Variants in MYBL2 observed in about 807,000 individuals in gnomAD.
The protein encoded by MYBL2 is myb-related protein B.
In MYBL2, 28 loss-of-function variants were observed where a neutral mutation model predicts 79.9. The ratio of observed to expected loss-of-function variants is 0.35; its 90% CI spans 0.26 to 0.48. The LOEUF is 0.48. Among genes scored for constraint, MYBL2 ranks in the 20% least tolerant of loss-of-function variants. The pLI is 0.99. For synonymous variants in MYBL2, 378 were observed against 361.2 expected (o/e 1.05, Z -0.53); for missense variants, 735 against 893.9 (o/e 0.82, Z 2.27).
At chr20:43,676,822 T>C (rs970300060) in intron 2 of MYBL2, among the ~76,000 whole-genome samples, 4 of 152,168 alleles carry the variant, frequency 2.6e-5, no homozygotes, top group Non-Finnish European at 5.9e-5. Context: ...GTTTTTTGTT[T>C]TGTTTTGTTT....
intron 12 of MYBL2, among the ~76,000 whole-genome samples, chr20:43,713,679 G>A (rs532291151): frequency 6.6e-6 from 1 of 152,178 alleles, no homozygotes; most frequent in Non-Finnish European, 1.5e-5. Context: ...GAGTCACCGT[G>A]CCCAGCCTAG....
chr20:43,714,652 G>A (rs1987987196), intron 12 of MYBL2, among the ~76,000 whole-genome samples: 1 of 151,824 alleles, frequency 6.6e-6, no homozygotes, highest in African/African-American at 2.4e-5. Context: ...TTTTGAGACG[G>A]AGTCTGGCTC....
intron 10 of MYBL2, 59 bp from the exon 11 acceptor site, chr20:43,711,429 C>T: frequency 7.2e-7 from 1 of 1,386,074 alleles, no homozygotes; most frequent in Non-Finnish European, 1.0e-6. Context: ...TCCCACAGTC[C>T]CACACACACA....
chr20:43,693,513 ATTC>A (rs1346280898), intron 6 of MYBL2, among the ~76,000 whole-genome samples: 1 of 151,800 alleles, frequency 6.6e-6, no homozygotes. Flanking sequence ...TAATTTTTGT[ATTC>A]TTAGAGATGG....
intron 8 of MYBL2, among the ~76,000 whole-genome samples, chr20:43,704,383 G>C (rs1243819458): frequency 6.6e-6 from 1 of 152,172 alleles, no homozygotes; most frequent in Non-Finnish European, 1.5e-5. Flanking sequence ...GCTGAGAGTT[G>C]GGACTTCAGG....
chr20:43,715,679 C>T (rs1261524176), intron 13 of MYBL2, among the ~76,000 whole-genome samples: 1 of 152,184 alleles, frequency 6.6e-6, no homozygotes, highest in Non-Finnish European at 1.5e-5. Flanking sequence ...TGCTCCTTCT[C>T]ACCCGCCTCC....
chr20:43,707,529 A>T (rs1029577837), intron 9 of MYBL2, among the ~76,000 whole-genome samples: 1 of 151,942 alleles, frequency 6.6e-6, no homozygotes, highest in African/African-American at 2.4e-5. Flanking sequence ...CTTGCTGGTG[A>T]TGAGTTCTAA....
intron 4 of MYBL2, among the ~76,000 whole-genome samples, 173 bp from the exon 5 acceptor site, chr20:43,686,679 G>C (rs1042101257): frequency 6.6e-6 from 1 of 152,268 alleles, no homozygotes; most frequent in South Asian, 2.1e-4. Flanking sequence ...GGCCCTGTGG[G>C]CTACACAAAG....
At position 43,688,171 on chromosome 20, in the gene MYBL2, C is replaced by G. The variant is rs1987324673; in HGVS notation, c.500+1099C>G. Among the ~76,000 whole-genome samples the G allele has an allele frequency of 2.0e-5, 3 of 151,758 alleles. No homozygotes were observed. The South Asian group carries it at 6.2e-4, about 32-fold the overall frequency. ...AAAATTTTACTTTCTAAGGGCTCCT[C>G]CCTTTTCTGGCACTCTTTTTTTATT... On this transcript the variant is annotated intron_variant, in intron 5 of 13. Coordinates refer to ENST00000217026, the MANE Select transcript of MYBL2 (RefSeq NM_002466.4).
At chr20:43,705,414 C>G in intron 9 of MYBL2, 56 bp downstream of exon 9, 1 of 1,532,126 alleles carries the variant, frequency 6.5e-7, no homozygotes, top group Non-Finnish European at 8.8e-7. Flanking sequence ...AACACCAGAC[C>G]ATGGGCCTTG....
intron 8 of MYBL2, among the ~76,000 whole-genome samples, chr20:43,704,380 G>T (rs191827414): frequency 2.6e-4 from 40 of 152,326 alleles, no homozygotes; most frequent in African/African-American, 8.7e-4. Flanking sequence ...GGTGCTGAGA[G>T]TTGGGACTTC....
At chr20:43,682,953 G>A in intron 4 of MYBL2, 67 bp downstream of exon 4, 1 of 1,478,698 alleles carries the variant, frequency 6.8e-7, no homozygotes, top group Non-Finnish European at 9.4e-7. Flanking sequence ...GGGACTGTGA[G>A]ATTGCCTTGT....
intron 3 of MYBL2, among the ~76,000 whole-genome samples, chr20:43,682,288 T>TC (rs1406138556): frequency 1.9e-4 from 29 of 149,878 alleles, no homozygotes; most frequent in Admixed American, 1.9e-3. Context: ...GTGAGGGGGT[T>TC]CCCCTCAGGA....
chr20:43,701,711 T>C (rs1427157336), intron 7 of MYBL2, among the ~76,000 whole-genome samples: 1 of 152,240 alleles, frequency 6.6e-6, no homozygotes. Flanking sequence ...TTCACTGCTC[T>C]ATATTTCGTT....
chr20:43,711,547 C>G lies in MYBL2; in HGVS notation c.1665C>G (p.Ile555Met), dbSNP rs367985361. Residue 555 changes from isoleucine (I) to methionine (M), a missense_variant, in exon 11 of 14, where the codon ATC (isoleucine) becomes ATG (methionine). Physicochemically the swap from Ile to Met is conservative, Grantham distance 10 (BLOSUM62 1). Coordinates refer to ENST00000217026, the MANE Select transcript of MYBL2 (RefSeq NM_002466.4). ...LKEVLRSEAG[I>M]ELIIEDDIRP... The stretch of plus-strand genomic sequence containing the variant: ...AGGTGCTGCGTTCTGAGGCTGGCAT[C>G]GAACTCATCATCGAGGACGACATCA... 37 of 1,613,612 alleles carry G rather than the reference C, an allele frequency of 2.3e-5. 1 individual carries two copies. The highest frequency in any genetic ancestry group is 1.3e-4 in the South Asian group (12 of 91,016).
At chr20:43,688,226 G>T (rs1201710400) in intron 5 of MYBL2, among the ~76,000 whole-genome samples, 1 of 151,312 alleles carries the variant, frequency 6.6e-6, no homozygotes, top group Non-Finnish European at 1.5e-5. Context: ...TGGGAGACCA[G>T]AGTCTCGCTC....
chr20:43,700,446 T>C (rs372847428), intron 7 of MYBL2, among the ~76,000 whole-genome samples: 2 of 152,150 alleles, frequency 1.3e-5, no homozygotes, highest in African/African-American at 2.4e-5. Flanking sequence ...GTCTTGGTGC[T>C]GGTCTTGGAG....
intron 2 of MYBL2, among the ~76,000 whole-genome samples, chr20:43,680,000 A>G (rs1987106380): frequency 6.8e-6 from 1 of 147,776 alleles, no homozygotes; most frequent in Admixed American, 6.9e-5. Flanking sequence ...CTATCTTTCT[A>G]CTCTGTTTCT....
intron 6 of MYBL2, among the ~76,000 whole-genome samples, chr20:43,692,837 G>A (rs1009132941): frequency 2.0e-5 from 3 of 152,112 alleles, no homozygotes; most frequent in Non-Finnish European, 4.4e-5. Flanking sequence ...AAACAGTTTT[G>A]AGTTATGACA....
Sources: gnomAD v4.1 joint callset for allele counts (sites outside exome capture counted in the v4.1 genomes callset) on GRCh38, gnomAD v4.1.1 for gene constraint, MANE v1.5 for transcripts, NCBI Gene and HGNC (gene_info 2026-07-23, HGNC 2026-07-21) for gene names.